The following STXBP5L variants were observed in gnomAD, a reference collection of about 807,000 sequenced individuals.
STXBP5L encodes syntaxin binding protein 5L, also known as syntaxin-binding protein 5-like.
A neutral mutation model predicts 144.5 loss-of-function variants in STXBP5L; 65 were observed. The observed-to-expected ratio is 0.45, with a 90% CI of 0.37 to 0.55. The LOEUF is 0.55. STXBP5L is among the 20% of genes least tolerant of loss of function. The pLI, the probability that STXBP5L is intolerant of heterozygous loss-of-function variation, is 0.00. For synonymous variants in STXBP5L, 505 were observed against 469.6 expected (o/e 1.08, Z -0.97); for missense variants, 1,298 against 1,405.5 (o/e 0.92, Z 1.22).
At chr3:121,322,905 G>A (rs1349817372) in intron 20 of STXBP5L, among the ~76,000 whole-genome samples, 2 of 152,102 alleles carry the variant, frequency 1.3e-5, no homozygotes, top group Non-Finnish European at 2.9e-5. Flanking sequence ...GTTTAAGATG[G>A]TATCTCAGTG....
At chr3:121,319,326 C>A (rs2043892720) in intron 20 of STXBP5L, among the ~76,000 whole-genome samples, 1 of 152,064 alleles carries the variant, frequency 6.6e-6, no homozygotes, top group Non-Finnish European at 1.5e-5. Flanking sequence ...GAACCTTATA[C>A]AAATTTATAA....
At chr3:120,954,515 A>G (rs1937808061) in intron 2 of STXBP5L, among the ~76,000 whole-genome samples, 1 of 151,964 alleles carries the variant, frequency 6.6e-6, no homozygotes. Context: ...GTAGTATTCC[A>G]TTGTATGATT....
intron 9 of STXBP5L, among the ~76,000 whole-genome samples, chr3:121,197,515 C>T (rs2047967935): frequency 6.6e-6 from 1 of 151,722 alleles, no homozygotes; most frequent in Non-Finnish European, 1.5e-5. Flanking sequence ...ACTTTAAGTT[C>T]TGGGATACAT....
chr3:121,229,706 T>C (rs1025364395), intron 11 of STXBP5L, among the ~76,000 whole-genome samples: 1 of 151,998 alleles, frequency 6.6e-6, no homozygotes, highest in Non-Finnish European at 1.5e-5. Flanking sequence ...CAAGTGTATG[T>C]CACCATACCT....
chr3:121,078,228 T>C (rs9853679), intron 5 of STXBP5L, among the ~76,000 whole-genome samples: 99,606 of 151,216 alleles, frequency 0.66, 33,250 homozygotes, highest in Admixed American at 0.71. Flanking sequence ...TACAGAGTGC[T>C]GATTGGTGTA....
chr3:121,036,689 C>G (rs960107461), intron 3 of STXBP5L, among the ~76,000 whole-genome samples: 1 of 150,642 alleles, frequency 6.6e-6, no homozygotes, highest in Non-Finnish European at 1.5e-5. Flanking sequence ...AAGAAAGCAT[C>G]TTAAACTTTG....
chr3:121,174,078 G>A (rs1388553078), intron 9 of STXBP5L, among the ~76,000 whole-genome samples: 1 of 152,086 alleles, frequency 6.6e-6, no homozygotes, highest in Non-Finnish European at 1.5e-5. Context: ...CAACACTTGA[G>A]CTTGCTGCAA....
intron 22 of STXBP5L, among the ~76,000 whole-genome samples, chr3:121,386,694 G>A (rs1192552309): frequency 6.6e-6 from 1 of 152,086 alleles, no homozygotes; most frequent in Non-Finnish European, 1.5e-5. Flanking sequence ...TGAGAATGAT[G>A]GTTTCCAGCT....
At chr3:121,239,723 G>C (rs1281819887) in intron 13 of STXBP5L, among the ~76,000 whole-genome samples, 2 of 110,284 alleles carry the variant, frequency 1.8e-5, no homozygotes, top group African/African-American at 6.9e-5. Context: ...TGGGGGGAGG[G>C]GGGAGGGATA....
intron 20 of STXBP5L, among the ~76,000 whole-genome samples, chr3:121,366,256 T>C (rs1339461731): frequency 1.3e-5 from 2 of 152,128 alleles, no homozygotes; most frequent in East Asian, 1.9e-4. Flanking sequence ...TAGAGTGTTA[T>C]ATATCACTGT....
At chr3:120,982,398 T>A (rs1941868818) in intron 3 of STXBP5L, among the ~76,000 whole-genome samples, 1 of 152,044 alleles carries the variant, frequency 6.6e-6, no homozygotes, top group South Asian at 2.1e-4. Flanking sequence ...CAGGGAGAGC[T>A]CCTGGTGAAA....
At chr3:121,211,284 T>G (rs1380683158) in intron 10 of STXBP5L, among the ~76,000 whole-genome samples, 1 of 152,228 alleles carries the variant, frequency 6.6e-6, no homozygotes, top group African/African-American at 2.4e-5. Context: ...TTTTTTATCC[T>G]GAGACTTTGC....
chr3:121,270,385 A>G (rs1477103541), intron 18 of STXBP5L, among the ~76,000 whole-genome samples: 1 of 152,162 alleles, frequency 6.6e-6, no homozygotes, highest in East Asian at 1.9e-4. Flanking sequence ...ACAGAACAGA[A>G]TCAAATCCAG....
intron 5 of STXBP5L, among the ~76,000 whole-genome samples, chr3:121,051,049 T>TATGCACCCAATACAG (rs1224332054): frequency 6.6e-6 from 1 of 152,144 alleles, no homozygotes; most frequent in African/African-American, 2.4e-5. Context: ...CCTAAATATA[T>TATGCACCCAATACAG]ATGCACCCAA....
chr3:121,160,705 G>A (rs1482438776), intron 9 of STXBP5L, among the ~76,000 whole-genome samples: 1 of 152,116 alleles, frequency 6.6e-6, no homozygotes, highest in Non-Finnish European at 1.5e-5. Flanking sequence ...AAGTACTGAT[G>A]AGATTGAATT....
chr3:120,968,938 G>C (rs1462629797), intron 3 of STXBP5L, among the ~76,000 whole-genome samples: 4 of 151,798 alleles, frequency 2.6e-5, no homozygotes, highest in Admixed American at 6.6e-5. Context: ...TTATCTACTT[G>C]TTGGTTGATA....
intron 7 of STXBP5L, among the ~76,000 whole-genome samples, chr3:121,150,866 T>C (rs1176512502): frequency 6.6e-6 from 1 of 152,048 alleles, no homozygotes; most frequent in African/African-American, 2.4e-5. Context: ...GAGGGGCAGA[T>C]CACTTGAGGT....
chr3:121,375,036 G>A (rs886972079), intron 20 of STXBP5L, among the ~76,000 whole-genome samples: 2 of 147,822 alleles, frequency 1.4e-5, no homozygotes, highest in Non-Finnish European at 3.0e-5. Flanking sequence ...GAGGGTGGGA[G>A]GGGGAGTGAA....
intron 23 of STXBP5L, 77 bp downstream of exon 23, chr3:121,407,680 T>C (rs2047025744): frequency 1.3e-6 from 2 of 1,545,374 alleles, no homozygotes; most frequent in South Asian, 2.4e-5. Flanking sequence ...ATATGTGTTA[T>C]GTGCAGATGT....
Sources: allele counts gnomAD v4.1 joint callset (sites outside exome capture counted in the v4.1 genomes callset), GRCh38; gene constraint gnomAD v4.1.1; transcripts MANE v1.5; gene names NCBI Gene and HGNC (gene_info 2026-07-23, HGNC 2026-07-21).